Variants in SEMA6D observed in about 807,000 individuals in gnomAD.
SEMA6D encodes semaphorin-6D.
A neutral mutation model predicts 106.6 loss-of-function variants in SEMA6D; 35 were observed. The observed-to-expected ratio is 0.33, with a 90% CI of 0.25 to 0.44. The LOEUF (loss-of-function observed/expected upper bound fraction) is 0.44. Among genes scored for constraint, SEMA6D ranks in the 20% least tolerant of loss-of-function variants. The pLI is 1.00. For missense variants in SEMA6D, 1,185 were observed against 1,345.9 expected (o/e 0.88, Z 1.87); for synonymous variants, 499 against 487.7 (o/e 1.02, Z -0.31).
At chr15:47,641,809 C>T (rs1322174233) in intron 4 of SEMA6D, among the ~76,000 whole-genome samples, 1 of 152,196 alleles carries the variant, frequency 6.6e-6, no homozygotes, top group African/African-American at 2.4e-5. Context: ...ATGCTCCCCA[C>T]ACTGCCCACT....
chr15:47,467,419 G>C (rs900076823), intron 2 of SEMA6D, among the ~76,000 whole-genome samples: 2 of 152,158 alleles, frequency 1.3e-5, no homozygotes, highest in Non-Finnish European at 2.9e-5. Context: ...ATGCTTGCTA[G>C]AAGAGGCAAT....
At chr15:47,320,089 G>T (rs1165688606) in intron 1 of SEMA6D, among the ~76,000 whole-genome samples, 1 of 151,968 alleles carries the variant, frequency 6.6e-6, no homozygotes, top group Non-Finnish European at 1.5e-5. Context: ...CTCTTTCTTT[G>T]TTGTTAGGAC....
intron 3 of SEMA6D, among the ~76,000 whole-genome samples, chr15:47,562,066 C>G (rs1052974764): frequency 6.6e-6 from 1 of 151,884 alleles, no homozygotes; most frequent in African/African-American, 2.4e-5. Flanking sequence ...CTACAGTAAT[C>G]AAGAGAGTTG....
rs534302144 is a variant in SEMA6D at position 47,435,506 on chromosome 15, C to A, written c.-159+23034C>A. Among the ~76,000 whole-genome samples the A allele has an allele frequency of 1.6e-4, 25 of 152,136 alleles. No individual in the cohort carries two copies. In the East Asian group the frequency reaches 4.9e-3, roughly 30 times the overall value. The stretch of plus-strand genomic sequence containing the variant: ...TGGCAAGTCTAATGACATGTGGCTC[C>A]CTACCCAGTTGAGCCACGTTCACCA... On this transcript the variant is annotated intron_variant, in intron 2 of 19. Coordinates refer to the SEMA6D transcript ENST00000558014.
intron 3 of SEMA6D, among the ~76,000 whole-genome samples, chr15:47,552,123 A>G (rs1420020875): frequency 1.3e-5 from 2 of 152,164 alleles, no homozygotes; most frequent in Admixed American, 6.5e-5. Flanking sequence ...AGTGCCCAAT[A>G]GTAGAAGAAT....
At chr15:47,370,519 AC>A (rs2039230038) in intron 1 of SEMA6D, among the ~76,000 whole-genome samples, 1 of 143,276 alleles carries the variant, frequency 7.0e-6, no homozygotes, top group Admixed American at 6.9e-5. Flanking sequence ...TGTCTCAAAA[AC>A]AAAAAAGAAA....
At chr15:47,352,045 C>T (rs1408829569) in intron 1 of SEMA6D, among the ~76,000 whole-genome samples, 5 of 148,870 alleles carry the variant, frequency 3.4e-5, no homozygotes, top group Non-Finnish European at 5.9e-5. Flanking sequence ...TTTAAACTTT[C>T]ACAGTCATCG....
At chr15:47,649,165 T>C (rs2077636677) in intron 4 of SEMA6D, among the ~76,000 whole-genome samples, 1 of 152,098 alleles carries the variant, frequency 6.6e-6, no homozygotes, top group Non-Finnish European at 1.5e-5. Context: ...AGAGAACAGC[T>C]ATGGGAGAGT....
Position 47,764,871 on chromosome 15 carries a change from C to T in SEMA6D, c.1254-12C>T. On this transcript the variant is annotated splice_polypyrimidine_tract_variant and intron_variant, in intron 12 of 18. Transcript: ENST00000536845. ...GGCCTCCCCTTCTGATCTGTGCCGC[C>T]TCCTCTTGTAGGTACAGACTGACGG... The T allele has an allele frequency of 1.2e-6, 2 of 1,613,746 alleles. No individual in the cohort carries two copies.
At chr15:47,411,921 G>C (rs771000942) in intron 1 of SEMA6D, among the ~76,000 whole-genome samples, 1 of 125,592 alleles carries the variant, frequency 8.0e-6, no homozygotes, top group African/African-American at 2.8e-5. Context: ...CTTGTCCACT[G>C]TGACAAGGGA....
intron 1 of SEMA6D, among the ~76,000 whole-genome samples, chr15:47,328,151 A>G (rs146484019): frequency 2.1e-4 from 32 of 152,310 alleles, no homozygotes; most frequent in African/African-American, 6.5e-4. Context: ...ATTCAGGCAC[A>G]AAGACAAAAA....
intron 1 of SEMA6D, among the ~76,000 whole-genome samples, chr15:47,277,684 C>T (rs1037785751): frequency 1.3e-5 from 2 of 150,850 alleles, no homozygotes; most frequent in East Asian, 3.9e-4. Flanking sequence ...CATATGTATA[C>T]ATGTGCCATG....
chr15:47,325,871 AAG>A (rs1299877652), intron 1 of SEMA6D, among the ~76,000 whole-genome samples: 2 of 152,196 alleles, frequency 1.3e-5, no homozygotes, highest in Admixed American at 6.5e-5. Context: ...AAATGCTCAT[AAG>A]AGATATAAAT....
Position 47,594,258 on chromosome 15 carries a change from C to A in SEMA6D, c.-86-6607C>A, listed in dbSNP as rs554569348. Reference sequence around the variant, plus strand: ...TCCTTTAAGAAGAGAAAGTTCATTTCTTTTGCCCTGGTCCCAGGTTTGGTT... The same window carrying A: ...TCCTTTAAGAAGAGAAAGTTCATTTATTTTGCCCTGGTCCCAGGTTTGGTT... On this transcript the variant is annotated intron_variant, in intron 3 of 19. Coordinates refer to the SEMA6D transcript ENST00000558014. Among the ~76,000 whole-genome samples the A allele has an allele frequency of 9.9e-5, 15 of 152,278 alleles. 1 individual carries two copies. In the South Asian group the frequency reaches 2.9e-3, roughly 29 times the overall value.
intron 1 of SEMA6D, among the ~76,000 whole-genome samples, chr15:47,322,336 T>G (rs915277951): frequency 1.3e-5 from 2 of 151,936 alleles, no homozygotes; most frequent in Non-Finnish European, 2.9e-5. Context: ...ATCCAGGATC[T>G]TATACTGTTG....
chr15:47,553,975 G>A (rs2045843174), intron 3 of SEMA6D, among the ~76,000 whole-genome samples: 1 of 152,190 alleles, frequency 6.6e-6, no homozygotes, highest in Admixed American at 6.6e-5. Flanking sequence ...CAGAAAAAAG[G>A]TGAGGATGAG....
intron 3 of SEMA6D, among the ~76,000 whole-genome samples, chr15:47,541,276 A>G (rs2045344958): frequency 6.6e-6 from 1 of 152,222 alleles, no homozygotes; most frequent in Non-Finnish European, 1.5e-5. Flanking sequence ...GCTCCACTAC[A>G]CTAAAAAATC....
chr15:47,362,719 C>T (rs1262736875), intron 1 of SEMA6D, among the ~76,000 whole-genome samples: 1 of 152,182 alleles, frequency 6.6e-6, no homozygotes, highest in Non-Finnish European at 1.5e-5. Context: ...AATGAAGCCC[C>T]CACAGTGGCT....
At chr15:47,216,495 A>T (rs2030619992) in intron 1 of SEMA6D, among the ~76,000 whole-genome samples, 1 of 152,192 alleles carries the variant, frequency 6.6e-6, no homozygotes, top group South Asian at 2.1e-4. Flanking sequence ...TTCCAAGCCA[A>T]TTTAAGAGGA....
Sources: gnomAD v4.1 joint callset for allele counts (sites outside exome capture counted in the v4.1 genomes callset) on GRCh38, gnomAD v4.1.1 for gene constraint, MANE v1.5 for transcripts, NCBI Gene and HGNC (gene_info 2026-07-23, HGNC 2026-07-21) for gene names.